TASP1: variants seen among roughly 807,000 people sequenced by gnomAD.
TASP1 encodes the protein threonine aspartase 1.
Under a neutral mutation model 56.6 loss-of-function variants are expected in TASP1, and 16 were observed. That is an observed-to-expected ratio of 0.28 (90% CI 0.19 to 0.43). The LOEUF is 0.43. TASP1 is among the 20% of genes least tolerant of loss of function. The pLI is 1.00. For synonymous variants in TASP1, 179 were observed against 184.2 expected, an observed-to-expected ratio of 0.97 and a Z score of 0.23; for missense variants, 393 against 511.6, an observed-to-expected ratio of 0.77 and a Z score of 2.24.
In TASP1 at chr20:13,626,905, C is replaced by G. The variant is rs1022373372; in HGVS notation, c.146-1653G>C. Reference sequence around the variant, plus strand: ...ATAATAAAAGTCTCAGCAGAGCCCCCCCCCCACCCCGTACATCTTTAATTC... The same window carrying G: ...ATAATAAAAGTCTCAGCAGAGCCCCGCCCCCACCCCGTACATCTTTAATTC... On this transcript the variant is annotated intron_variant, in intron 2 of 13. Transcript: ENST00000337743. Among the ~76,000 whole-genome samples the G allele has an allele frequency of 2.6e-5, 3 of 116,592 alleles. No homozygotes were observed. The East Asian group carries it at 8.8e-4, about 34-fold the overall frequency. 76.5% of individuals were successfully genotyped at this position (116,592 alleles called of 152,430 possible).
chr20:13,307,848 A>T, the TASP1 span, among the ~76,000 whole-genome samples: 1 of 152,262 alleles, frequency 6.6e-6, no homozygotes, highest in African/African-American at 2.4e-5. Flanking sequence ...GAACATTTGG[A>T]TTGTTTCTAG....
At chr20:13,613,678 G>A (rs2048426859) in intron 4 of TASP1, among the ~76,000 whole-genome samples, 1 of 151,880 alleles carries the variant, frequency 6.6e-6, no homozygotes, top group South Asian at 2.1e-4. Flanking sequence ...ATTAAGACAT[G>A]CATTACTGAG....
At chr20:13,242,405 G>A in the TASP1 span, among the ~76,000 whole-genome samples, 1 of 152,202 alleles carries the variant, frequency 6.6e-6, no homozygotes, top group Non-Finnish European at 1.5e-5. Context: ...GGAAGAAAAA[G>A]TCAGGAGTTA....
chr20:13,522,022 G>A (rs1433905718), intron 10 of TASP1, among the ~76,000 whole-genome samples: 3 of 152,228 alleles, frequency 2.0e-5, no homozygotes, highest in African/African-American at 7.2e-5. Context: ...CACTGAGGGT[G>A]GAGGAGAAGC....
the TASP1 span, among the ~76,000 whole-genome samples, chr20:13,191,089 C>T: frequency 3.9e-5 from 6 of 151,976 alleles, no homozygotes; most frequent in Non-Finnish European, 7.4e-5. Context: ...CAAAAAATAA[C>T]AAATGCTTGC....
chr20:13,114,693 T>G, the TASP1 span, among the ~76,000 whole-genome samples: 1 of 152,342 alleles, frequency 6.6e-6, no homozygotes, highest in Non-Finnish European at 1.5e-5. Context: ...AGAAAACATT[T>G]GTTACTTTAC....
intron 6 of TASP1, among the ~76,000 whole-genome samples, chr20:13,577,745 G>A (rs2046975262): frequency 6.6e-6 from 1 of 152,150 alleles, no homozygotes; most frequent in Non-Finnish European, 1.5e-5. Flanking sequence ...CCAGAACTGT[G>A]AGAAATACTT....
chr20:13,290,739 G>A, the TASP1 span, among the ~76,000 whole-genome samples: 1 of 152,162 alleles, frequency 6.6e-6, no homozygotes, highest in Non-Finnish European at 1.5e-5. Context: ...AAGATTTTTT[G>A]AGTACTTAAG....
intron 4 of TASP1, among the ~76,000 whole-genome samples, chr20:13,610,117 G>T (rs1487984073): frequency 6.6e-6 from 1 of 152,194 alleles, no homozygotes; most frequent in East Asian, 1.9e-4. Flanking sequence ...AAGGATAAAA[G>T]AATGAAGAGC....
At chr20:13,295,587 C>A in the TASP1 span, among the ~76,000 whole-genome samples, 2 of 152,166 alleles carry the variant, frequency 1.3e-5, no homozygotes, top group Admixed American at 6.5e-5. Context: ...GACCCAGACA[C>A]CAAGATGGGA....
the TASP1 span, among the ~76,000 whole-genome samples, chr20:13,269,101 A>C: frequency 6.6e-6 from 1 of 152,150 alleles, no homozygotes; most frequent in Non-Finnish European, 1.5e-5. Context: ...TGGGGGGCAA[A>C]GAGGGCGTGT....
At chr20:13,628,489 G>A (rs951127429) in intron 2 of TASP1, among the ~76,000 whole-genome samples, 2 of 152,146 alleles carry the variant, frequency 1.3e-5, no homozygotes, top group African/African-American at 4.8e-5. Context: ...CCTTGTAAAA[G>A]CACCTGTGAG....
chr20:13,162,598 C>T, the TASP1 span, among the ~76,000 whole-genome samples: 24 of 152,308 alleles, frequency 1.6e-4, no homozygotes, highest in Middle Eastern at 3.4e-3. Context: ...ATGCACTCTG[C>T]GACCACATTT....
the TASP1 span, among the ~76,000 whole-genome samples, chr20:13,262,448 G>A: frequency 5.3e-5 from 8 of 152,006 alleles, no homozygotes; most frequent in Non-Finnish European, 8.8e-5. Context: ...ATGTGTGAAG[G>A]GTTTGTTTTT....
intron 11 of TASP1, among the ~76,000 whole-genome samples, chr20:13,481,853 T>C (rs1238895792): frequency 6.6e-6 from 1 of 151,926 alleles, no homozygotes; most frequent in Non-Finnish European, 1.5e-5. Context: ...TTGCAAATTA[T>C]CTTCTCCCAT....
chr20:13,223,163 AAAATAAAAT>A, the TASP1 span, among the ~76,000 whole-genome samples: 1 of 136,348 alleles, frequency 7.3e-6, no homozygotes, highest in Non-Finnish European at 1.6e-5. Flanking sequence ...TCTCAAAAAA[AAAATAAAAT>A]AAAATAAAAT....
the TASP1 span, among the ~76,000 whole-genome samples, chr20:13,296,591 G>A: frequency 6.6e-6 from 1 of 152,190 alleles, no homozygotes; most frequent in African/African-American, 2.4e-5. Context: ...TAGTAGATTG[G>A]AGAATGCTCT....
chr20:13,524,803 T>C (rs988470478), intron 10 of TASP1, among the ~76,000 whole-genome samples: 4 of 152,188 alleles, frequency 2.6e-5, no homozygotes, highest in Non-Finnish European at 5.9e-5. Context: ...CCACTGCCTC[T>C]AGATGCAAGC....
intron 1 of TASP1, among the ~76,000 whole-genome samples, chr20:13,634,824 T>G (rs1446309468): frequency 1.4e-5 from 2 of 144,628 alleles, no homozygotes; most frequent in African/African-American, 2.6e-5. Flanking sequence ...AGGTCGGGAG[T>G]TCAAGACCAG....
Sources: gnomAD v4.1 joint callset for allele counts (sites outside exome capture counted in the v4.1 genomes callset) on GRCh38, gnomAD v4.1.1 for gene constraint, MANE v1.5 for transcripts, NCBI Gene and HGNC (gene_info 2026-07-23, HGNC 2026-07-21) for gene names.